PACRG: variants seen among roughly 807,000 people sequenced by gnomAD.
The protein encoded by PACRG is parkin coregulated gene protein.
In PACRG, 29 loss-of-function variants were observed where a neutral mutation model predicts 29.7. The ratio of observed to expected loss-of-function variants is 0.98; its 90% confidence interval spans 0.73 to 1.33. The LOEUF (loss-of-function observed/expected upper bound fraction) is 1.33, where lower values mean the gene tolerates loss of function less well. Among genes scored for constraint, PACRG ranks in the 40% most tolerant of loss-of-function variants. The pLI, the probability that PACRG is intolerant of heterozygous loss-of-function variation, is 0.00. For synonymous variants in PACRG, 116 were observed against 118.7 expected (o/e 0.98, Z 0.15); for missense variants, 279 against 316.2 (o/e 0.88, Z 0.89).
At chr6:162,734,904 A>G (rs533414999) in intron 1 of PACRG, among the ~76,000 whole-genome samples, 19 of 152,186 alleles carry the variant, frequency 1.2e-4, no homozygotes, top group Non-Finnish European at 2.1e-4. Context: ...ACTACCCAAC[A>G]TTCCCACATG....
chr6:162,985,332 C>G (rs999585895), intron 2 of PACRG, among the ~76,000 whole-genome samples: 2 of 151,990 alleles, frequency 1.3e-5, no homozygotes, highest in African/African-American at 4.8e-5. Flanking sequence ...ATGAATCCAA[C>G]AGCATATGAA....
intron 1 of PACRG, among the ~76,000 whole-genome samples, chr6:162,787,477 A>C (rs1431677909): frequency 6.7e-6 from 1 of 149,548 alleles, no homozygotes; most frequent in Non-Finnish European, 1.5e-5. Context: ...ATATAGTTAT[A>C]TATGTATATG....
At chr6:163,265,273 C>G (rs951873358) in intron 4 of PACRG, among the ~76,000 whole-genome samples, 8 of 152,136 alleles carry the variant, frequency 5.3e-5, no homozygotes, top group African/African-American at 1.4e-4. Flanking sequence ...GGCTCCATCA[C>G]CTGTGTGCAG....
intron 4 of PACRG, among the ~76,000 whole-genome samples, chr6:163,175,072 A>G (rs561095621): frequency 9.2e-5 from 14 of 152,292 alleles, no homozygotes; most frequent in African/African-American, 3.4e-4. Flanking sequence ...AATCTCCAAT[A>G]GGTGAAATTA....
chr6:162,920,764 T>A (rs1797011830), intron 2 of PACRG, among the ~76,000 whole-genome samples: 1 of 152,172 alleles, frequency 6.6e-6, no homozygotes, highest in Admixed American at 6.5e-5. Context: ...TTCAGTAGAG[T>A]ACTACTAATT....
At chr6:162,944,074 A>C (rs1284785585) in intron 2 of PACRG, among the ~76,000 whole-genome samples, 15 of 152,096 alleles carry the variant, frequency 9.9e-5, no homozygotes, top group Admixed American at 9.8e-4. Context: ...AGGCTGAAGG[A>C]TGGGTATTCT....
intron 2 of PACRG, among the ~76,000 whole-genome samples, chr6:163,007,438 CTTGAA>C (rs1805222773): frequency 6.6e-6 from 1 of 152,124 alleles, no homozygotes; most frequent in Admixed American, 6.6e-5. Context: ...TTTCATATTT[CTTGAA>C]GTGCAGATTG....
At chr6:162,883,014 C>A (rs115283861) in intron 2 of PACRG, among the ~76,000 whole-genome samples, 2 of 152,198 alleles carry the variant, frequency 1.3e-5, no homozygotes, top group Admixed American at 6.5e-5. Flanking sequence ...AGGGGCACCT[C>A]GAGTTCCACT....
chr6:163,302,544 C>T (rs900436730), intron 4 of PACRG, among the ~76,000 whole-genome samples: 9 of 152,186 alleles, frequency 5.9e-5, no homozygotes, highest in African/African-American at 2.2e-4. Flanking sequence ...TGAGTTCAGC[C>T]AGCAGACTGC....
chr6:163,153,297 T>A (rs958005284), intron 4 of PACRG, among the ~76,000 whole-genome samples: 5 of 152,222 alleles, frequency 3.3e-5, no homozygotes, highest in Non-Finnish European at 7.3e-5. Context: ...AATGGAGTGG[T>A]GCCCTGTGAG....
chr6:163,269,541 T>C (rs920561729), intron 4 of PACRG, among the ~76,000 whole-genome samples: 1 of 152,132 alleles, frequency 6.6e-6, no homozygotes, highest in Non-Finnish European at 1.5e-5. Flanking sequence ...ACCTTTCCAG[T>C]AGGTTCTCTT....
At chr6:163,150,597 C>G (rs893409602) in intron 4 of PACRG, among the ~76,000 whole-genome samples, 1 of 64,624 alleles carries the variant, frequency 1.5e-5, no homozygotes, top group African/African-American at 2.0e-4. Context: ...CTTCCAGGCT[C>G]AAGTTCCCCC....
intron 2 of PACRG, among the ~76,000 whole-genome samples, chr6:162,976,992 C>G (rs4292504): frequency 0.53 from 80,858 of 151,890 alleles, 21,922 homozygotes; most frequent in East Asian, 0.78. Context: ...AATAACAACA[C>G]TGTACAAGTC....
intron 4 of PACRG, among the ~76,000 whole-genome samples, chr6:163,231,391 C>A (rs1346399323): frequency 2.0e-5 from 3 of 152,164 alleles, no homozygotes; most frequent in Non-Finnish European, 4.4e-5. Context: ...CTGCCCATAC[C>A]CTTTATAAAG....
At chr6:163,072,795 C>T (rs1427168878) in intron 3 of PACRG, among the ~76,000 whole-genome samples, 2 of 152,120 alleles carry the variant, frequency 1.3e-5, no homozygotes, top group Non-Finnish European at 2.9e-5. Flanking sequence ...AAATCATTAG[C>T]ATTTCCATAT....
chr6:163,048,417 A>G (rs1458161859), intron 2 of PACRG, among the ~76,000 whole-genome samples: 4 of 152,210 alleles, frequency 2.6e-5, no homozygotes, highest in Admixed American at 6.5e-5. Context: ...AAATGTAAAC[A>G]TGATGTTGAA....
intron 4 of PACRG, among the ~76,000 whole-genome samples, chr6:163,255,874 G>C (rs948095220): frequency 2.0e-5 from 3 of 152,158 alleles, no homozygotes; most frequent in Non-Finnish European, 2.9e-5. Flanking sequence ...GGCCTCAAGT[G>C]ATCCACCTGC....
chr6:162,880,063 A>G (rs1375370396), intron 2 of PACRG, among the ~76,000 whole-genome samples: 1 of 152,164 alleles, frequency 6.6e-6, no homozygotes, highest in African/African-American at 2.4e-5. Context: ...AGGGGAGAAA[A>G]CAGACATGTA....
Position 162,975,526 on chromosome 6 carries a change from C to G in PACRG, c.292-86624C>G, listed in dbSNP as rs151078042. Among the ~76,000 whole-genome samples the G allele has an allele frequency of 6.6e-5, 10 of 152,248 alleles. No homozygotes were observed. The East Asian group carries it at 1.9e-3, about 29-fold the overall frequency. On this transcript the variant is annotated intron_variant, in intron 2 of 4. Coordinates refer to ENST00000366888, the MANE Select transcript of PACRG (RefSeq NM_001080379.2). ...TAAAGTGTTTACAAAGCATAAAGCA[C>G]TCTGTTCATTTGTCATGTTTTACTT...
Sources: allele counts gnomAD v4.1 joint callset (sites outside exome capture counted in the v4.1 genomes callset), GRCh38; gene constraint gnomAD v4.1.1; transcripts MANE v1.5; gene names NCBI Gene and HGNC (gene_info 2026-07-23, HGNC 2026-07-21).